Variants in KCTD16 observed in about 807,000 individuals in gnomAD.
KCTD16 encodes potassium channel tetramerization domain containing 16.
In KCTD16, 13 loss-of-function variants were observed where a neutral mutation model predicts 33.2. The observed-to-expected ratio is 0.39, with a 90% confidence interval of 0.25 to 0.62. The LOEUF (loss-of-function observed/expected upper bound fraction) is 0.62, where lower values mean the gene tolerates loss of function less well. Among genes scored for constraint, KCTD16 ranks in the 20% least tolerant of loss-of-function variants. The pLI is 0.50. For missense variants in KCTD16, 441 were observed against 525.1 expected, an observed-to-expected ratio of 0.84 and a Z score of 1.57; for synonymous variants, 197 against 195.3, an observed-to-expected ratio of 1.01 and a Z score of -0.07.
intron 3 of KCTD16, among the ~76,000 whole-genome samples, chr5:144,241,539 C>G (rs527443190): frequency 6.6e-6 from 1 of 152,200 alleles, no homozygotes; most frequent in Non-Finnish European, 1.5e-5. Flanking sequence ...AGGAGGCAAA[C>G]AAGTCTTGCA....
rs189160763 is a variant in KCTD16 at position 144,346,464 on chromosome 5, A to G, written c.833-127196A>G. ...CTCCAAAGTGGCTGTGCTCATTTAC[A>G]TTCCTACCAACAGTGTACACCGAAG... On this transcript the variant is annotated intron_variant, in intron 3 of 3. Transcript: ENST00000512467. 2.6e-3 allele frequency among the ~76,000 whole-genome samples: 395 copies of G among 152,164 alleles called. 3 individuals carry two copies. Among genetic ancestry groups the G allele is most frequent in the African/African-American group, 9.2e-3 (381 of 41,510 alleles).
intron 3 of KCTD16, among the ~76,000 whole-genome samples, chr5:144,418,821 C>T (rs943666366): frequency 6.6e-6 from 1 of 152,046 alleles, no homozygotes; most frequent in African/African-American, 2.4e-5. Context: ...AGATGTATAT[C>T]GAGTTGTATC....
intron 3 of KCTD16, among the ~76,000 whole-genome samples, chr5:144,283,583 G>A (rs112887178): frequency 0.018 from 2,798 of 152,054 alleles, 91 homozygotes; most frequent in African/African-American, 0.064. Flanking sequence ...CAAATATAAC[G>A]GATAAAAATG....
At chr5:144,329,201 C>T (rs1001663250) in intron 3 of KCTD16, among the ~76,000 whole-genome samples, 67 of 152,246 alleles carry the variant, frequency 4.4e-4, no homozygotes, top group African/African-American at 1.6e-3. Flanking sequence ...CTGACTGGCT[C>T]AGCACAGGTG....
chr5:144,172,733 A>G (rs1752418389), intron 1 of KCTD16, among the ~76,000 whole-genome samples: 1 of 152,178 alleles, frequency 6.6e-6, no homozygotes, highest in African/African-American at 2.4e-5. Flanking sequence ...TACTCTCAAA[A>G]ATATCCTAAT....
intron 2 of KCTD16, among the ~76,000 whole-genome samples, chr5:144,177,793 A>C (rs1316133726): frequency 6.6e-6 from 1 of 152,202 alleles, no homozygotes; most frequent in Non-Finnish European, 1.5e-5. Context: ...TAAGGACTTC[A>C]ATATGTCTTT....
At chr5:144,423,673 T>C (rs1241237847) in intron 3 of KCTD16, among the ~76,000 whole-genome samples, 1 of 152,124 alleles carries the variant, frequency 6.6e-6, no homozygotes, top group Non-Finnish European at 1.5e-5. Context: ...AAACCCTGAA[T>C]TAAGATGGAA....
At chr5:144,306,407 C>CCTGGCAGCAG (rs1308526155) in intron 3 of KCTD16, among the ~76,000 whole-genome samples, 3 of 152,224 alleles carry the variant, frequency 2.0e-5, no homozygotes, top group African/African-American at 7.2e-5. Context: ...CACTGCCTGC[C>CCTGGCAGCAG]CTGGCAGCAG....
chr5:144,209,175 A>G (rs1181916413), intron 3 of KCTD16, among the ~76,000 whole-genome samples: 4 of 152,266 alleles, frequency 2.6e-5, no homozygotes, highest in African/African-American at 9.6e-5. Flanking sequence ...TCAACCAAAT[A>G]AATGGAAACA....
chr5:144,182,874 TTTG>T (rs763874205), intron 2 of KCTD16, among the ~76,000 whole-genome samples: 8 of 152,224 alleles, frequency 5.3e-5, no homozygotes, highest in East Asian at 1.9e-4. Context: ...CCCAGTTATG[TTTG>T]TTATTATTAT....
chr5:144,425,356 C>T (rs1308465655), intron 3 of KCTD16, among the ~76,000 whole-genome samples: 1 of 151,892 alleles, frequency 6.6e-6, no homozygotes, highest in Non-Finnish European at 1.5e-5. Flanking sequence ...TGGGCTCATC[C>T]CACCCAGCAG....
At chr5:144,356,835 CT>C (rs1301794659) in intron 3 of KCTD16, among the ~76,000 whole-genome samples, 1 of 152,084 alleles carries the variant, frequency 6.6e-6, no homozygotes, top group African/African-American at 2.4e-5. Context: ...CTTTTCATGC[CT>C]TTCTCTCCAT....
intron 3 of KCTD16, among the ~76,000 whole-genome samples, chr5:144,284,455 C>T (rs1755689684): frequency 6.6e-6 from 1 of 152,154 alleles, no homozygotes; most frequent in African/African-American, 2.4e-5. Context: ...AAGAAAAGCT[C>T]AAAGGCTGGT....
intron 2 of KCTD16, among the ~76,000 whole-genome samples, chr5:144,197,737 C>T (rs1408316508): frequency 6.6e-6 from 1 of 152,102 alleles, no homozygotes; most frequent in Non-Finnish European, 1.5e-5. Flanking sequence ...TGGTGTGATC[C>T]GCTGCTGGTT....
At chr5:144,223,158 G>A (rs553251254) in intron 3 of KCTD16, among the ~76,000 whole-genome samples, 7 of 152,198 alleles carry the variant, frequency 4.6e-5, no homozygotes, top group South Asian at 4.1e-4. Flanking sequence ...TCGGGGGAGC[G>A]GGGAGGGATA....
intron 3 of KCTD16, among the ~76,000 whole-genome samples, chr5:144,303,234 A>G (rs1035565251): frequency 2.0e-5 from 3 of 152,208 alleles, no homozygotes; most frequent in African/African-American, 7.2e-5. Flanking sequence ...TGTTTTCTGC[A>G]AGTGTTATTA....
intron 3 of KCTD16, among the ~76,000 whole-genome samples, chr5:144,288,242 C>T (rs1439898268): frequency 1.3e-5 from 2 of 152,150 alleles, no homozygotes; most frequent in East Asian, 3.9e-4. Flanking sequence ...AAATTCTGAT[C>T]GTGCCAATTT....
intron 3 of KCTD16, among the ~76,000 whole-genome samples, chr5:144,273,326 C>T (rs940435852): frequency 1.3e-5 from 2 of 152,042 alleles, no homozygotes; most frequent in Non-Finnish European, 2.9e-5. Flanking sequence ...CAGAAAACAA[C>T]AAATGTTGGT....
chr5:144,304,839 A>G (rs536073768), intron 3 of KCTD16, among the ~76,000 whole-genome samples: 6 of 152,300 alleles, frequency 3.9e-5, no homozygotes, highest in African/African-American at 1.4e-4. Context: ...TAATGTCATT[A>G]TCATCATCCT....
Sources: allele counts gnomAD v4.1 joint callset (sites outside exome capture counted in the v4.1 genomes callset), GRCh38; gene constraint gnomAD v4.1.1; transcripts MANE v1.5; gene names NCBI Gene and HGNC (gene_info 2026-07-23, HGNC 2026-07-21).